Variants in ZNF560 observed in about 807,000 individuals in gnomAD.
The protein encoded by ZNF560 is zinc finger protein 560.
In ZNF560, 54 loss-of-function variants were observed where a neutral mutation model predicts 81.8. That is an observed-to-expected ratio of 0.66 (90% CI 0.53 to 0.83). ZNF560 has a LOEUF of 0.83. Ranked by LOEUF, ZNF560 falls within the 40% of genes least tolerant of loss-of-function variation. ZNF560 has a pLI of 0.00. For missense variants in ZNF560, 940 were observed against 932.4 expected, an observed-to-expected ratio of 1.01 and a Z score of -0.11; for synonymous variants, 321 against 317.9, an observed-to-expected ratio of 1.01 and a Z score of -0.10.
chr19:9,491,394 T>C (rs2073470664), intron 2 of ZNF560, among the ~76,000 whole-genome samples: 1 of 151,618 alleles, frequency 6.6e-6, no homozygotes, highest in Admixed American at 6.6e-5. Flanking sequence ...AGTGTTAGAG[T>C]TACAGGCCTG....
the ZNF560 span, among the ~76,000 whole-genome samples, chr19:9,447,220 T>A: frequency 9.2e-5 from 14 of 151,528 alleles, no homozygotes; most frequent in Middle Eastern, 3.4e-3. Context: ...CATAACAAAA[T>A]TAATTCTACC....
Position 9,466,924 on chromosome 19 carries a change from A to G in ZNF560, c.2023T>C (p.Leu675=), listed in dbSNP as rs1169477818. Residue 675 remains leucine (L), a synonymous_variant, in exon 10 of 10, where the codon TTA becomes CTA. Transcript: ENST00000301480. ...YSRSCVLTQH[L]KTHAAEKTSE... The stretch of plus-strand genomic sequence containing the variant: ...GTCTTCTCTGCTGCATGAGTTTTTA[A>G]GTGTTGAGTTAGTACACAAGACCTA... 6.2e-7 allele frequency: 1 copy of G among 1,614,090 alleles called. No individual in the cohort carries two copies.
In ZNF560 at chr19:9,475,271, A is replaced by C; in HGVS notation, c.30+13T>G. 1 of 1,613,462 alleles carries C rather than the reference A, an allele frequency of 6.2e-7. No homozygotes were observed. The highest frequency in any genetic ancestry group is 8.5e-7 in the Non-Finnish European group (1 of 1,179,850). On this transcript the variant is annotated intron_variant, in intron 3 of 9. Coordinates refer to ENST00000301480, the MANE Select transcript of ZNF560 (RefSeq NM_152476.3). ...AGTATGTCATTTTGTGGAAGTATACATTTTCTGCATACCTGATAACAATTT... is the reference window on the plus strand; with the variant it reads ...AGTATGTCATTTTGTGGAAGTATACCTTTTCTGCATACCTGATAACAATTT...
intron 2 of ZNF560, among the ~76,000 whole-genome samples, chr19:9,487,558 T>C (rs752408711): frequency 1.3e-5 from 2 of 152,206 alleles, no homozygotes; most frequent in Non-Finnish European, 2.9e-5. Flanking sequence ...TGCCATGCCA[T>C]GCAGGGGTCC....
rs372363439 is a variant in ZNF560 at position 9,468,242 on chromosome 19, A to G, written c.705T>C (p.Thr235=). 6.2e-7 allele frequency: 1 copy of G among 1,614,116 alleles called. No homozygotes were observed. Among genetic ancestry groups the G allele is most frequent in the Admixed American group, 1.7e-5 (1 of 60,016 alleles). ...ATTCAGACGTGTTGCCTCTATTTTG[A>G]GTACTCATGTTGGTCTTAAGGCATG... is the stretch of plus-strand genomic sequence containing the variant. ...KHPCLKTNMS[T]QNRGNTSECI... is the part of the protein sequence containing the mutation. Residue 235 remains threonine (T), a synonymous_variant, in exon 10 of 10, where the codon ACT becomes ACC. Transcript: ENST00000301480.
chr19:9,469,806 G>A, intron 7 of ZNF560, 96 bp from the exon 8 acceptor site: 4 of 1,002,708 alleles, frequency 4.0e-6, no homozygotes, highest in Non-Finnish European at 6.3e-6. Context: ...TTAAAGCAGT[G>A]AAAAGCACTT....
intron 7 of ZNF560, chr19:9,470,035 T>C: frequency 2.3e-6 from 1 of 430,714 alleles, no homozygotes. Flanking sequence ...CAAAGAGAGA[T>C]CTTGATTCTC....
the ZNF560 span, among the ~76,000 whole-genome samples, chr19:9,458,772 A>G: frequency 6.6e-6 from 1 of 152,244 alleles, no homozygotes; most frequent in Non-Finnish European, 1.5e-5. Context: ...TCTCAGACAC[A>G]GATACAGCAT....
At chr19:9,456,350 AT>A in the ZNF560 span, among the ~76,000 whole-genome samples, 1 of 152,200 alleles carries the variant, frequency 6.6e-6, no homozygotes, top group Non-Finnish European at 1.5e-5. Flanking sequence ...ATTGATTTGG[AT>A]TGTAACGGGG....
intron 2 of ZNF560, among the ~76,000 whole-genome samples, chr19:9,496,460 G>A (rs1599685807): frequency 6.6e-6 from 1 of 151,444 alleles, no homozygotes; most frequent in African/African-American, 2.4e-5. Flanking sequence ...TACTGACCTC[G>A]TGATCCACCT....
chr19:9,456,813 A>C, the ZNF560 span, among the ~76,000 whole-genome samples: 1 of 152,222 alleles, frequency 6.6e-6, no homozygotes, highest in Non-Finnish European at 1.5e-5. Flanking sequence ...CCCCCCATAC[A>C]TTTATTACAA....
chr19:9,488,829 G>A (rs2073425000), intron 2 of ZNF560, among the ~76,000 whole-genome samples: 1 of 152,190 alleles, frequency 6.6e-6, no homozygotes, highest in African/African-American at 2.4e-5. Flanking sequence ...GGTCTGGTGG[G>A]AGATGATTGG....
At position 9,468,349 on chromosome 19, in the gene ZNF560, A is replaced by G. The variant is rs768265988; in HGVS notation, c.613-15T>C. On this transcript the variant is annotated splice_polypyrimidine_tract_variant and intron_variant, in intron 9 of 9. Transcript: ENST00000301480. ...TGGTTTCTTGCCTGTTAACACAGGA[A>G]TGAACAATAAAGGAAGCATTTTAGC... is the stretch of plus-strand genomic sequence containing the variant. 1.3e-6 allele frequency: 2 copies of G among 1,556,670 alleles called. No individual in the cohort carries two copies. Among genetic ancestry groups the G allele is most frequent in the Non-Finnish European group, 1.7e-6 (2 of 1,154,752 alleles).
chr19:9,467,503 TAC>T lies in ZNF560; in HGVS notation c.1442_1443del (p.Ser481LysfsTer8). ...TSSGVIEDRR[S>X]NTGQKRFDCD... Reference sequence around the variant, plus strand: ...CAATCAAAGCGTTTCTGTCCTGTGTTACTTCTTCTATCTTCAATAACACCTGA... The same window carrying T: ...CAATCAAAGCGTTTCTGTCCTGTGTTTTCTTCTATCTTCAATAACACCTGA... On this transcript the variant is annotated frameshift_variant, in exon 10 of 10. Coordinates refer to ENST00000301480, the MANE Select transcript of ZNF560 (RefSeq NM_152476.3). LOFTEE classifies it high-confidence loss of function. The T allele has an allele frequency of 6.2e-7, 1 of 1,614,092 alleles. No individual in the cohort carries two copies. Among genetic ancestry groups the T allele is most frequent in the Non-Finnish European group, 8.5e-7 (1 of 1,180,026 alleles).
At chr19:9,459,910 C>T in the ZNF560 span, among the ~76,000 whole-genome samples, 28 of 152,138 alleles carry the variant, frequency 1.8e-4, no homozygotes, top group African/African-American at 4.3e-4. Context: ...GTTTTAGACC[C>T]GGGACCCAGG....
intron 8 of ZNF560, 66 bp from the exon 9 acceptor site, chr19:9,469,253 G>T: frequency 7.9e-7 from 1 of 1,272,394 alleles, no homozygotes; most frequent in Non-Finnish European, 1.1e-6. Context: ...ATAAAAAGCA[G>T]ATAGATTTGA....
chr19:9,502,895 A>ATCATT (rs1478537735), upstream of ZNF560, among the ~76,000 whole-genome samples: 3 of 152,178 alleles, frequency 2.0e-5, no homozygotes, highest in African/African-American at 7.2e-5. Flanking sequence ...CATTGCAAAG[A>ATCATT]GTAACTTTTA....
intron 2 of ZNF560, among the ~76,000 whole-genome samples, chr19:9,485,934 T>C (rs951258445): frequency 6.6e-6 from 1 of 152,130 alleles, no homozygotes; most frequent in Non-Finnish European, 1.5e-5. Flanking sequence ...TTAAAAAACA[T>C]TGAGCTACCA....
At chr19:9,453,171 G>A in the ZNF560 span, among the ~76,000 whole-genome samples, 1 of 152,242 alleles carries the variant, frequency 6.6e-6, no homozygotes, top group East Asian at 1.9e-4. Flanking sequence ...TCAGCCAAAG[G>A]TGAGCCAGCA....
Sources: gnomAD v4.1 joint callset for allele counts (sites outside exome capture counted in the v4.1 genomes callset) on GRCh38, gnomAD v4.1.1 for gene constraint, MANE v1.5 for transcripts, NCBI Gene and HGNC (gene_info 2026-07-23, HGNC 2026-07-21) for gene names.